Variants in MAGI1 observed in about 807,000 individuals in gnomAD.
The protein encoded by MAGI1 is membrane-associated guanylate kinase, WW and PDZ domain-containing protein 1.
Under a neutral mutation model 139.9 loss-of-function variants are expected in MAGI1, and 58 were observed. The ratio of observed to expected loss-of-function variants is 0.41; its 90% CI spans 0.34 to 0.52. MAGI1 has a LOEUF of 0.52. Among genes scored for constraint, MAGI1 ranks in the 20% least tolerant of loss-of-function variants. The probability of loss-of-function intolerance (pLI) is 0.12; values close to 1 mark genes in which losing one functional copy is unlikely to be tolerated. For synonymous variants in MAGI1, 812 were observed against 737.9 expected (o/e 1.10, Z -1.63); for missense variants, 1,874 against 1,901.6 (o/e 0.99, Z 0.27).
At chr3:65,469,997 T>C (rs888250349) in intron 5 of MAGI1, 19 of 152,278 alleles carry the variant, frequency 1.2e-4, no homozygotes, top group Non-Finnish European at 1.4e-5. Flanking sequence ...TTTTTAATGG[T>C]TAAATATGCT....
At chr3:65,637,061 A>G (rs981550313) in intron 1 of MAGI1, among the ~76,000 whole-genome samples, 2 of 152,208 alleles carry the variant, frequency 1.3e-5, no homozygotes, top group Non-Finnish European at 2.9e-5. Flanking sequence ...CTGGACATTC[A>G]GCCTCCCTGT....
At chr3:65,965,333 A>G (rs2064687551) in intron 1 of MAGI1, among the ~76,000 whole-genome samples, 1 of 152,168 alleles carries the variant, frequency 6.6e-6, no homozygotes, top group Admixed American at 6.5e-5. Flanking sequence ...AAACCACTTT[A>G]TTTTCATGTA....
intron 1 of MAGI1, among the ~76,000 whole-genome samples, chr3:65,898,892 A>G (rs2061097029): frequency 6.6e-6 from 1 of 152,146 alleles, no homozygotes; most frequent in African/African-American, 2.4e-5. Context: ...CAATTTAAGT[A>G]AATATATTTT....
chr3:65,877,803 C>A (rs1320597469), intron 1 of MAGI1, among the ~76,000 whole-genome samples: 2 of 151,936 alleles, frequency 1.3e-5, no homozygotes, highest in Non-Finnish European at 2.9e-5. Context: ...AACAGAACAC[C>A]CCATAACAAA....
In MAGI1 at chr3:65,355,172, T is replaced by G. The variant is rs1332977620; in HGVS notation, c.*1206A>C. On this transcript the variant is annotated 3_prime_UTR_variant, in exon 23 of 23. Transcript: ENST00000402939. ...GTTTAAAAATAAAAATTGTTATGTT[T>G]TGTGCTGCTGTCCAAAGGACTCAAA... 6.6e-6 allele frequency: 1 copy of G among 152,336 alleles called. No individual in the cohort carries two copies. Among genetic ancestry groups the G allele is most frequent in the Non-Finnish European group, 1.5e-5 (1 of 68,038 alleles). 9.4% of individuals were successfully genotyped at this position (152,336 alleles called of 1,614,324 possible).
At chr3:65,388,744 A>T (rs1943650825) in intron 14 of MAGI1, among the ~76,000 whole-genome samples, 1 of 151,346 alleles carries the variant, frequency 6.6e-6, no homozygotes, top group Non-Finnish European at 1.5e-5. Flanking sequence ...GACTCCAATT[A>T]CCAAAAAGGA....
chr3:65,811,972 G>A (rs1367503355), intron 1 of MAGI1, among the ~76,000 whole-genome samples: 4 of 145,798 alleles, frequency 2.7e-5, no homozygotes, highest in Non-Finnish European at 4.5e-5. Context: ...GAGAGAGAGC[G>A]TGCACTCGCA....
intron 1 of MAGI1, among the ~76,000 whole-genome samples, chr3:66,019,204 T>C (rs1417797899): frequency 6.6e-6 from 1 of 152,138 alleles, no homozygotes; most frequent in African/African-American, 2.4e-5. Context: ...GCTCAGGAGA[T>C]GGTGAGTGAA....
intron 2 of MAGI1, among the ~76,000 whole-genome samples, chr3:65,588,923 C>T (rs2081825212): frequency 6.6e-6 from 1 of 152,164 alleles, no homozygotes; most frequent in African/African-American, 2.4e-5. Context: ...TGTGACTTCA[C>T]AACAGACGCT....
intron 1 of MAGI1, among the ~76,000 whole-genome samples, chr3:65,833,133 TGGGAGACAGAA>T (rs2042616422): frequency 6.7e-6 from 1 of 150,278 alleles, no homozygotes; most frequent in Admixed American, 6.6e-5. Flanking sequence ...TTTTTTTTTT[TGGGAGACAGAA>T]TCTCACTCTG....
chr3:65,950,078 C>A (rs12494896), intron 1 of MAGI1, among the ~76,000 whole-genome samples: 1,249 of 39,866 alleles, frequency 0.031, 14 homozygotes, highest in East Asian at 0.12. Context: ...AAAAAAAAAA[C>A]AAAAAAAAAA....
At chr3:65,627,483 ATCTT>A (rs2084034161) in intron 1 of MAGI1, among the ~76,000 whole-genome samples, 1 of 31,788 alleles carries the variant, frequency 3.1e-5, no homozygotes, top group African/African-American at 9.2e-5. Flanking sequence ...ATATTTCTGT[ATCTT>A]TTTTTTTTTT....
At chr3:65,477,410 A>G (rs923252739) in intron 4 of MAGI1, among the ~76,000 whole-genome samples, 2 of 152,202 alleles carry the variant, frequency 1.3e-5, no homozygotes, top group Non-Finnish European at 2.9e-5. Context: ...TGACCAAAGT[A>G]TAATAATGTG....
At chr3:66,025,743 T>A (rs1461276605) in intron 1 of MAGI1, among the ~76,000 whole-genome samples, 1 of 152,130 alleles carries the variant, frequency 6.6e-6, no homozygotes, top group Non-Finnish European at 1.5e-5. Context: ...TGGATAAAAA[T>A]AGTGTTAACA....
chr3:66,017,548 G>A lies in MAGI1; in HGVS notation c.313+20448C>T, dbSNP rs138250678. Among the ~76,000 whole-genome samples the A allele has an allele frequency of 1.8e-3, 267 of 152,280 alleles. 2 individuals are homozygous for A. Among genetic ancestry groups the A allele is most frequent in the African/African-American group, 6.0e-3 (250 of 41,560 alleles). ...AACACCAAGCTAGAGGAAACCCACC[G>A]CTGTCACCTAATCTGCTGTCACCTA... On this transcript the variant is annotated intron_variant, in intron 1 of 22. Transcript: ENST00000402939.
intron 2 of MAGI1, among the ~76,000 whole-genome samples, chr3:65,582,825 C>A (rs980803074): frequency 2.0e-5 from 3 of 152,158 alleles, no homozygotes; most frequent in Admixed American, 1.3e-4. Flanking sequence ...GATACATACG[C>A]CACATCAGCA....
intron 5 of MAGI1, 34 bp from the exon 6 acceptor site, chr3:65,453,374 T>TTA: frequency 4.3e-6 from 6 of 1,395,658 alleles, no homozygotes; most frequent in Non-Finnish European, 5.9e-6. Flanking sequence ...GAAATTTGTT[T>TTA]GAAAAAAAAA....
chr3:66,036,748 T>C (rs543332717), intron 1 of MAGI1, among the ~76,000 whole-genome samples: 1 of 152,178 alleles, frequency 6.6e-6, no homozygotes, highest in Non-Finnish European at 1.5e-5. Context: ...CCTGTCCTTA[T>C]GGAAACACAT....
chr3:65,840,295 T>C lies in MAGI1; in HGVS notation c.313+197701A>G, dbSNP rs575032822. Among the ~76,000 whole-genome samples, 6 of 152,292 alleles carry C rather than the reference T, an allele frequency of 3.9e-5. No homozygotes were observed. The East Asian group carries it at 1.2e-3, about 29-fold the overall frequency. On this transcript the variant is annotated intron_variant, in intron 1 of 22. Transcript: ENST00000402939. ...ACCCTAGCTAGAAATTCCAGTACTA[T>C]ATTGAATAGCAGTGGAGAAAACGGA...
Sources: allele counts gnomAD v4.1 joint callset (sites outside exome capture counted in the v4.1 genomes callset), GRCh38; gene constraint gnomAD v4.1.1; transcripts MANE v1.5; gene names NCBI Gene and HGNC (gene_info 2026-07-23, HGNC 2026-07-21).